STOX2: variants seen among roughly 807,000 people sequenced by gnomAD.
STOX2 encodes storkhead-box protein 2.
In STOX2, 28 loss-of-function variants were observed where a neutral mutation model predicts 60.9. That is an observed-to-expected ratio of 0.46 (90% CI 0.34 to 0.63). The LOEUF is 0.63. Among genes scored for constraint, STOX2 ranks in the 30% least tolerant of loss-of-function variants. The pLI is 0.01. For missense variants in STOX2, 1,024 were observed against 1,187.7 expected (o/e 0.86, Z 2.03); for synonymous variants, 472 against 463.9 (o/e 1.02, Z -0.22).
At chr4:183,848,283 T>A (rs1740031607) in intron 1 of STOX2, among the ~76,000 whole-genome samples, 1 of 152,246 alleles carries the variant, frequency 6.6e-6, no homozygotes, top group African/African-American at 2.4e-5. Context: ...TATTGGCTTC[T>A]ATATTCTCAG....
intron 2 of STOX2, among the ~76,000 whole-genome samples, chr4:184,002,614 G>A (rs1733642982): frequency 6.6e-6 from 1 of 152,166 alleles, no homozygotes; most frequent in African/African-American, 2.4e-5. Flanking sequence ...CTTCACTTGC[G>A]GGATGGCAGA....
At position 183,836,975 on chromosome 4, in the gene STOX2, C is replaced by T. The variant is rs1386991083; in HGVS notation, c.364+38920C>T. ...TGTGCCAGTATTGTACTGTGTGCTG[C>T]TTATACAGGATTAATTAGAGCACAT... On this transcript the variant is annotated intron_variant, in intron 1 of 2. Transcript: ENST00000513034. The surrounding 1 kb of genome is among the most constrained non-coding windows in gnomAD (Gnocchi z 4.1). Among the ~76,000 whole-genome samples, 1 of 152,134 alleles carries T rather than the reference C, an allele frequency of 6.6e-6. No individual in the cohort carries two copies. Among genetic ancestry groups the T allele is most frequent in the Non-Finnish European group, 1.5e-5 (1 of 68,014 alleles).
chr4:183,902,617 C>G (rs574639944), upstream of STOX2, among the ~76,000 whole-genome samples: 4 of 152,306 alleles, frequency 2.6e-5, no homozygotes, highest in South Asian at 6.2e-4. Flanking sequence ...CAGAGTGACT[C>G]TTTCCATCAT....
chr4:184,001,214 G>A lies in STOX2; in HGVS notation c.167-111G>A, dbSNP rs1441961579. The A allele has an allele frequency of 4.9e-6, 5 of 1,012,614 alleles. No homozygotes were observed. The highest frequency in any genetic ancestry group is 5.9e-6 in the Non-Finnish European group (4 of 679,790). 62.7% of individuals were successfully genotyped at this position (1,012,614 alleles called of 1,614,324 possible). ...GAATTGGCAAGCAGCTGCTATGTTC[G>A]GAGCTGACTGTGTTCGTCAGACCAG... On this transcript the variant is annotated intron_variant, in intron 1 of 3. Coordinates refer to ENST00000308497, the MANE Select transcript of STOX2 (RefSeq NM_020225.3). This position sits in a 1 kb window ranked among gnomAD's most constrained non-coding sequence, Gnocchi z 4.2.
At chr4:183,872,397 C>G (rs758618176) in intron 1 of STOX2, among the ~76,000 whole-genome samples, 1 of 151,898 alleles carries the variant, frequency 6.6e-6, no homozygotes, top group African/African-American at 2.4e-5. Context: ...CTGCCTTATT[C>G]GAAACACCTT....
intron 1 of STOX2, among the ~76,000 whole-genome samples, chr4:183,911,479 G>A (rs542503375): frequency 6.6e-6 from 1 of 152,280 alleles, no homozygotes; most frequent in East Asian, 1.9e-4. Context: ...TTCATCAGGC[G>A]AGTGGAAGTG....
chr4:184,013,630 A>T (rs1290931469), intron 3 of STOX2, among the ~76,000 whole-genome samples: 2 of 152,228 alleles, frequency 1.3e-5, no homozygotes, highest in Non-Finnish European at 2.9e-5. Context: ...TTTTCTACAC[A>T]CCTTAATAAA....
At chr4:183,978,377 A>G (rs1263802391) in intron 1 of STOX2, among the ~76,000 whole-genome samples, 1 of 151,980 alleles carries the variant, frequency 6.6e-6, no homozygotes, top group African/African-American at 2.4e-5. Flanking sequence ...CGTGTTTTAT[A>G]TTTTTGTCAA....
intron 1 of STOX2, among the ~76,000 whole-genome samples, chr4:183,894,078 G>A (rs1047025030): frequency 3.3e-5 from 5 of 152,250 alleles, no homozygotes; most frequent in African/African-American, 1.2e-4. Context: ...CTTGAGCCCA[G>A]AGGTCAATGC....
intron 1 of STOX2, among the ~76,000 whole-genome samples, chr4:183,857,178 C>T (rs763046978): frequency 6.6e-6 from 1 of 152,078 alleles, no homozygotes; most frequent in African/African-American, 2.4e-5. Context: ...GTCTGGTCAT[C>T]CCACAGGACT....
chr4:183,812,480 G>T (rs1739058052), intron 1 of STOX2, among the ~76,000 whole-genome samples: 1 of 152,124 alleles, frequency 6.6e-6, no homozygotes. Flanking sequence ...ATTTTTAAAT[G>T]ATTTTTTCTT....
At chr4:183,802,613 CT>C (rs10661259) in intron 1 of STOX2, among the ~76,000 whole-genome samples, 1 of 145,792 alleles carries the variant, frequency 6.9e-6, no homozygotes, top group African/African-American at 2.5e-5. Flanking sequence ...GTCCATTTTT[CT>C]TTTTTTTTTG....
In STOX2 at chr4:184,011,403, C is replaced by T; in HGVS notation, c.2565C>T (p.Asp855=). Residue 855 remains aspartate, a synonymous_variant, in exon 3 of 4, where the codon GAC becomes GAT. Transcript: ENST00000308497. The surrounding 1 kb of genome is among the most constrained non-coding windows in gnomAD (Gnocchi z 4.4). The part of the protein sequence containing the change: ...DSMDSSSITV[D]SGFNSPRTRE... Reference sequence around the variant, plus strand: ...TGGACAGCAGCAGCATCACAGTGGACAGTGGATTCAACTCCCCACGGTAGG... The same window carrying T: ...TGGACAGCAGCAGCATCACAGTGGATAGTGGATTCAACTCCCCACGGTAGG... 1 of 1,612,060 alleles carries T rather than the reference C, an allele frequency of 6.2e-7. No individual in the cohort carries two copies. The highest frequency in any genetic ancestry group is 8.5e-7 in the Non-Finnish European group (1 of 1,178,992).
rs143906318 is a variant in STOX2 at position 183,886,971 on chromosome 4, A to T, written c.364+88916A>T. The stretch of plus-strand genomic sequence containing the variant: ...TCAGTGCTACTGCATAAAGTTATGT[A>T]CTTCTGGCTGGGCACGGTGGCTCAT... On this transcript the variant is annotated intron_variant, in intron 1 of 2. Transcript: ENST00000513034. 2.9e-3 allele frequency among the ~76,000 whole-genome samples: 439 copies of T among 152,212 alleles called. 2 individuals carry two copies. Among genetic ancestry groups the T allele is most frequent in the African/African-American group, 9.1e-3 (379 of 41,522 alleles).
chr4:183,834,682 T>C (rs895532753), intron 1 of STOX2, among the ~76,000 whole-genome samples: 1 of 152,228 alleles, frequency 6.6e-6, no homozygotes, highest in Non-Finnish European at 1.5e-5. Context: ...ATGATAGTCA[T>C]ATTAGGCAAA....
At chr4:184,013,644 A>T (rs1734247151) in intron 3 of STOX2, among the ~76,000 whole-genome samples, 1 of 152,262 alleles carries the variant, frequency 6.6e-6, no homozygotes, top group South Asian at 2.1e-4. Flanking sequence ...TAATAAAGTC[A>T]CTGAGTTGTC....
At position 183,859,559 on chromosome 4, in the gene STOX2, A is replaced by G. The variant is rs567173458; in HGVS notation, c.364+61504A>G. On this transcript the variant is annotated intron_variant, in intron 1 of 2. Coordinates refer to the STOX2 transcript ENST00000513034. Reference sequence around the variant, plus strand: ...GGGTGTTGGTGTGGCTTGGCATGACAGAGGCGGCGGGGCCAGGGTATGAAC... The same window carrying G: ...GGGTGTTGGTGTGGCTTGGCATGACGGAGGCGGCGGGGCCAGGGTATGAAC... 6.6e-5 allele frequency among the ~76,000 whole-genome samples: 10 copies of G among 152,302 alleles called. No homozygotes were observed. The South Asian group carries it at 2.1e-3, about 32-fold the overall frequency.
chr4:183,976,896 A>T (rs1732470676), intron 1 of STOX2, among the ~76,000 whole-genome samples: 1 of 152,254 alleles, frequency 6.6e-6, no homozygotes, highest in African/African-American at 2.4e-5. Context: ...AGCTGTAATA[A>T]AACTGCCTGT....
chr4:183,886,702 T>G (rs1741092351), intron 1 of STOX2, among the ~76,000 whole-genome samples: 1 of 152,180 alleles, frequency 6.6e-6, no homozygotes, highest in South Asian at 2.1e-4. Context: ...CAGGTCTTTT[T>G]CTTCTAAGCA....
Sources: allele counts gnomAD v4.1 joint callset (sites outside exome capture counted in the v4.1 genomes callset), GRCh38; gene constraint gnomAD v4.1.1; non-coding constraint Gnocchi (gnomAD v3.1); transcripts MANE v1.5; gene names NCBI Gene and HGNC (gene_info 2026-07-23, HGNC 2026-07-21).